NRXN1: variants seen among roughly 807,000 people sequenced by gnomAD.
The protein encoded by NRXN1 is neurexin 1, also known as neurexin-1.
Under a neutral mutation model 150.9 loss-of-function variants are expected in NRXN1, and 39 were observed. The observed-to-expected ratio is 0.26, with a 90% CI of 0.20 to 0.34. The LOEUF (loss-of-function observed/expected upper bound fraction) is 0.34. Ranked by LOEUF, NRXN1 falls within the 10% of genes least tolerant of loss-of-function variation. The pLI, the probability that NRXN1 is intolerant of heterozygous loss-of-function variation, is 1.00. For synonymous variants in NRXN1, 924 were observed against 757.0 expected (o/e 1.22, Z -3.62); for missense variants, 1,815 against 1,949.9 (o/e 0.93, Z 1.30).
At chr2:50,039,514 G>T (rs572664893) in intron 21 of NRXN1, among the ~76,000 whole-genome samples, 5 of 152,264 alleles carry the variant, frequency 3.3e-5, no homozygotes, top group Admixed American at 1.3e-4. Flanking sequence ...GAGAGGTAAG[G>T]CTCTTTCTGT....
chr2:50,070,762 T>C (rs1573734608), intron 19 of NRXN1, among the ~76,000 whole-genome samples: 1 of 90,074 alleles, frequency 1.1e-5, no homozygotes, highest in African/African-American at 5.2e-5. Context: ...AGAGCGAGAC[T>C]CCGTCTCAAA....
intron 17 of NRXN1, among the ~76,000 whole-genome samples, chr2:50,310,841 T>C (rs1448765496): frequency 6.6e-6 from 1 of 152,128 alleles, no homozygotes; most frequent in African/African-American, 2.4e-5. Context: ...ACAGAAAGCA[T>C]CACATCTTAC....
intron 5 of NRXN1, among the ~76,000 whole-genome samples, chr2:50,904,906 T>C (rs528247466): frequency 1.3e-5 from 2 of 152,252 alleles, no homozygotes; most frequent in South Asian, 2.1e-4. Flanking sequence ...TGGGTACTTA[T>C]ATCCAGGCTC....
chr2:50,358,500 C>G (rs1272535874), intron 17 of NRXN1, among the ~76,000 whole-genome samples: 1 of 152,202 alleles, frequency 6.6e-6, no homozygotes, highest in Non-Finnish European at 1.5e-5. Flanking sequence ...CACAGCACCA[C>G]AAAGCCGCTA....
At chr2:49,946,151 T>C (rs1018914223) in intron 21 of NRXN1, among the ~76,000 whole-genome samples, 1 of 152,360 alleles carries the variant, frequency 6.6e-6, no homozygotes, top group South Asian at 2.1e-4. Flanking sequence ...ATGAGCTTTT[T>C]TTCATATGTG....
chr2:50,829,101 T>C (rs13027736), intron 5 of NRXN1, among the ~76,000 whole-genome samples: 80,153 of 151,782 alleles, frequency 0.53, 23,103 homozygotes, highest in Non-Finnish European at 0.66. Flanking sequence ...TGGTGGCACG[T>C]GCCTGCAATC....
rs115638097 is a variant in NRXN1, at chr2:50,729,222, T to A, written c.833-105607A>T. ...TTTTGATTATAAATTCTCTAAGAAC[T>A]GGATGATCTCTATAATTGAATTATT... On this transcript the variant is annotated intron_variant, in intron 5 of 22. Coordinates refer to ENST00000401669, the MANE Select transcript of NRXN1 (RefSeq NM_001330078.2). Among the ~76,000 whole-genome samples, 1,270 of 152,354 alleles carry A rather than the reference T, an allele frequency of 8.3e-3. 15 individuals carry two copies. The highest frequency in any genetic ancestry group is 0.029 in the African/African-American group (1,191 of 41,574).
intron 8 of NRXN1, among the ~76,000 whole-genome samples, chr2:50,563,702 T>C (rs1669452150): frequency 6.6e-6 from 1 of 152,118 alleles, no homozygotes; most frequent in South Asian, 2.1e-4. Context: ...AAATGGACTG[T>C]TTAATTTATT....
At chr2:50,017,763 A>G (rs1686902283) in intron 21 of NRXN1, among the ~76,000 whole-genome samples, 1 of 151,986 alleles carries the variant, frequency 6.6e-6, no homozygotes, top group African/African-American at 2.4e-5. Context: ...TGGAAAGCAC[A>G]TATTTAAATA....
At chr2:50,252,880 T>C (rs540129640) in intron 17 of NRXN1, among the ~76,000 whole-genome samples, 12 of 152,306 alleles carry the variant, frequency 7.9e-5, no homozygotes, top group Admixed American at 2.6e-4. Flanking sequence ...TTTAGGATTG[T>C]CTTAGCTATA....
intron 17 of NRXN1, among the ~76,000 whole-genome samples, chr2:50,349,024 G>A (rs2078235930): frequency 6.6e-6 from 1 of 152,080 alleles, no homozygotes; most frequent in Non-Finnish European, 1.5e-5. Flanking sequence ...TGGCCATTTA[G>A]ACTTGTATAT....
intron 18 of NRXN1, among the ~76,000 whole-genome samples, chr2:50,141,981 A>C (rs2152760985): frequency 6.6e-6 from 1 of 152,112 alleles, no homozygotes; most frequent in South Asian, 2.1e-4. Flanking sequence ...AATCAGTTCA[A>C]AGGAATACCT....
intron 15 of NRXN1, among the ~76,000 whole-genome samples, chr2:50,476,792 C>T (rs1243211920): frequency 6.6e-6 from 1 of 152,028 alleles, no homozygotes. Flanking sequence ...TCACAGAGCT[C>T]CTTTGACTTA....
intron 21 of NRXN1, among the ~76,000 whole-genome samples, chr2:49,944,227 T>C (rs772226614): frequency 9.8e-5 from 15 of 152,348 alleles, no homozygotes; most frequent in African/African-American, 3.1e-4. Context: ...CACGACTATG[T>C]AGAGTTTGAT....
At chr2:50,349,124 C>G (rs1196666075) in intron 17 of NRXN1, among the ~76,000 whole-genome samples, 3 of 152,126 alleles carry the variant, frequency 2.0e-5, no homozygotes, top group Non-Finnish European at 2.9e-5. Context: ...CTGTAGCAAT[C>G]ACACATGTCA....
At chr2:50,443,214 AG>A (rs372174106) in intron 17 of NRXN1, among the ~76,000 whole-genome samples, 304 of 152,242 alleles carry the variant, frequency 2.0e-3, no homozygotes, top group African/African-American at 6.8e-3. Context: ...TGACAATTCA[AG>A]GGGGGGAGAG....
chr2:50,946,568 C>T (rs1282518537), intron 2 of NRXN1, among the ~76,000 whole-genome samples: 1 of 152,058 alleles, frequency 6.6e-6, no homozygotes, highest in East Asian at 1.9e-4. Flanking sequence ...CATTTTTAAC[C>T]ACATAAGAGC....
intron 5 of NRXN1, among the ~76,000 whole-genome samples, chr2:50,806,162 CA>C (rs1667484495): frequency 6.6e-6 from 1 of 152,098 alleles, no homozygotes; most frequent in Non-Finnish European, 1.5e-5. Context: ...AGCAGGCATA[CA>C]TTTTTTCCAG....
chr2:50,546,427 G>T (rs888525137), intron 9 of NRXN1, among the ~76,000 whole-genome samples: 1 of 152,132 alleles, frequency 6.6e-6, no homozygotes. Flanking sequence ...GAAAAGCTCT[G>T]CTCTGAATCT....
Sources: gnomAD v4.1 joint callset for allele counts (sites outside exome capture counted in the v4.1 genomes callset) on GRCh38, gnomAD v4.1.1 for gene constraint, MANE v1.5 for transcripts, NCBI Gene and HGNC (gene_info 2026-07-23, HGNC 2026-07-21) for gene names.